MIPOL1: variants seen among roughly 807,000 people sequenced by gnomAD.
MIPOL1 encodes mirror-image polydactyly gene 1 protein.
A neutral mutation model predicts 60.9 loss-of-function variants in MIPOL1; 57 were observed. That is an observed-to-expected ratio of 0.94 (90% CI 0.76 to 1.17). The LOEUF (loss-of-function observed/expected upper bound fraction) is 1.17, where lower values mean the gene tolerates loss of function less well. Among genes scored for constraint, MIPOL1 ranks in the 50% most tolerant of loss-of-function variants. The pLI is 0.00. For missense variants in MIPOL1, 551 were observed against 511.6 expected, an observed-to-expected ratio of 1.08 and a Z score of -0.74; for synonymous variants, 179 against 168.8, an observed-to-expected ratio of 1.06 and a Z score of -0.47.
intron 6 of MIPOL1, among the ~76,000 whole-genome samples, chr14:37,280,851 G>A (rs1176274159): frequency 6.6e-6 from 1 of 151,966 alleles, no homozygotes; most frequent in Non-Finnish European, 1.5e-5. Flanking sequence ...TAGAGACAGG[G>A]TTTCATCATG....
intron 10 of MIPOL1, among the ~76,000 whole-genome samples, chr14:37,370,731 A>C (rs1180887703): frequency 6.6e-6 from 1 of 152,162 alleles, no homozygotes; most frequent in Non-Finnish European, 1.5e-5. Context: ...TGTCTAATGC[A>C]CTTTTCTTCT....
rs1224888925 is a variant in MIPOL1 at position 37,385,193 on chromosome 14, T to A, written c.936+15569T>A. On this transcript the variant is annotated intron_variant, in intron 10 of 12. Coordinates refer to ENST00000684589, the MANE Select transcript of MIPOL1 (RefSeq NM_001388067.1). Reference sequence around the variant, plus strand: ...AATATGGTGGAAGAGGGAGGGTGTGTAAGGTTGGGGTGGTGGAAATTTTTA... The same window carrying A: ...AATATGGTGGAAGAGGGAGGGTGTGAAAGGTTGGGGTGGTGGAAATTTTTA... Among the ~76,000 whole-genome samples the A allele has an allele frequency of 2.0e-5, 3 of 152,042 alleles. No homozygotes were observed. In the East Asian group the frequency reaches 5.8e-4, roughly 29 times the overall value.
At chr14:37,296,683 A>G (rs190751512) in intron 7 of MIPOL1, among the ~76,000 whole-genome samples, 1 of 152,192 alleles carries the variant, frequency 6.6e-6, no homozygotes, top group Admixed American at 6.5e-5. Flanking sequence ...ACACCTCTAC[A>G]CAAATAAACT....
At chr14:37,278,103 C>T (rs1181956585) in intron 6 of MIPOL1, 2 of 151,262 alleles carry the variant, frequency 1.3e-5, no homozygotes, top group Non-Finnish European at 3.0e-5. Flanking sequence ...GTTGCAAAGT[C>T]CAGTTTTAAA....
chr14:37,408,047 A>T (rs1320463679), intron 10 of MIPOL1, among the ~76,000 whole-genome samples: 2 of 150,126 alleles, frequency 1.3e-5, no homozygotes, highest in African/African-American at 4.9e-5. Context: ...TTTATTTTTT[A>T]TTTTTTGTGG....
intron 11 of MIPOL1, among the ~76,000 whole-genome samples, chr14:37,463,575 G>C (rs1228607675): frequency 1.3e-5 from 2 of 152,100 alleles, no homozygotes; most frequent in Non-Finnish European, 2.9e-5. Context: ...AGTTAAACTG[G>C]ACCCCTCTCT....
chr14:37,472,894 C>T (rs2094710446), intron 11 of MIPOL1, among the ~76,000 whole-genome samples: 1 of 152,114 alleles, frequency 6.6e-6, no homozygotes, highest in African/African-American at 2.4e-5. Context: ...CACTCACTAC[C>T]TAGTAAGCCC....
intron 9 of MIPOL1, among the ~76,000 whole-genome samples, chr14:37,309,318 G>C (rs1338546512): frequency 6.6e-6 from 1 of 151,690 alleles, no homozygotes; most frequent in African/African-American, 2.4e-5. Flanking sequence ...AATACCTCCA[G>C]CTCTGAAACT....
chr14:37,409,212 C>T (rs2093641577), intron 10 of MIPOL1, among the ~76,000 whole-genome samples: 1 of 152,048 alleles, frequency 6.6e-6, no homozygotes, highest in South Asian at 2.1e-4. Context: ...CAATCAAGCA[C>T]ATCAGGAAGA....
chr14:37,503,368 G>C (rs1023770469), intron 12 of MIPOL1: 1 of 152,034 alleles, frequency 6.6e-6, no homozygotes, highest in Non-Finnish European at 1.5e-5. Flanking sequence ...CAGGAAGGTC[G>C]GGTTACCCAG....
At chr14:37,333,434 A>G (rs1179546156) in intron 9 of MIPOL1, among the ~76,000 whole-genome samples, 1 of 152,118 alleles carries the variant, frequency 6.6e-6, no homozygotes, top group Admixed American at 6.6e-5. Context: ...ACTGTACTCC[A>G]ATTAAAGACA....
rs2095555456 is a variant in MIPOL1, at chr14:37,549,103, T to A, written c.*2132T>A. On this transcript the variant is annotated 3_prime_UTR_variant, in exon 13 of 13. Coordinates refer to ENST00000684589, the MANE Select transcript of MIPOL1 (RefSeq NM_001388067.1). ...GTGTCAGATGGTCTTTATATATTTT[T>A]TCTGTATGAAGGAATAGCCTTGCCT... The A allele has an allele frequency of 1.3e-5, 2 of 151,926 alleles. No homozygotes were observed. The highest frequency in any genetic ancestry group is 1.5e-5 in the Non-Finnish European group (1 of 67,816). The allele number at this position is 151,926 out of a possible 1,614,324, so 9.4% of individuals were successfully genotyped here. A position where few individuals can be genotyped will look rare whatever the true frequency, so the allele number is the denominator to read the frequency against.
chr14:37,498,474 G>A (rs1415287915), intron 11 of MIPOL1, among the ~76,000 whole-genome samples: 3 of 151,934 alleles, frequency 2.0e-5, no homozygotes, highest in Non-Finnish European at 4.4e-5. Flanking sequence ...TTGGAACTTG[G>A]AACAGACAAG....
rs186851403 is a variant in MIPOL1, at chr14:37,266,750, C to T, written c.20-188C>T. 2.2e-3 allele frequency among the ~76,000 whole-genome samples: 335 copies of T among 152,214 alleles called. 1 individual carries two copies. The Middle Eastern group carries it at 0.031, about 14-fold the overall frequency. ...CTCTTAAGTCCCAACTCTTTTTGGC[C>T]TATTTGAGACCAAATTTACCATTAT... On this transcript the variant is annotated intron_variant, in intron 3 of 12. Coordinates refer to ENST00000684589, the MANE Select transcript of MIPOL1 (RefSeq NM_001388067.1).
chr14:37,489,619 C>T (rs183511641), intron 11 of MIPOL1, among the ~76,000 whole-genome samples: 7 of 152,240 alleles, frequency 4.6e-5, no homozygotes, highest in African/African-American at 1.4e-4. Context: ...TGGTGACCTT[C>T]GGATTGGGTC....
intron 12 of MIPOL1, chr14:37,502,748 A>C (rs983146260): frequency 1.3e-5 from 2 of 152,238 alleles, no homozygotes; most frequent in African/African-American, 4.8e-5. Flanking sequence ...CCAGCAATGG[A>C]ACAAAGCTAG....
intron 10 of MIPOL1, among the ~76,000 whole-genome samples, chr14:37,416,856 T>TA (rs2093779773): frequency 6.6e-6 from 1 of 152,188 alleles, no homozygotes; most frequent in Non-Finnish European, 1.5e-5. Flanking sequence ...TTATTTTCTT[T>TA]ACTTGTTTTG....
intron 9 of MIPOL1, among the ~76,000 whole-genome samples, chr14:37,346,420 G>A (rs1306893535): frequency 6.6e-6 from 1 of 152,090 alleles, no homozygotes; most frequent in African/African-American, 2.4e-5. Context: ...CTTTTATACT[G>A]GTAGCCATGG....
chr14:37,216,810 A>G (rs900418462), intron 1 of MIPOL1, among the ~76,000 whole-genome samples: 6 of 152,186 alleles, frequency 3.9e-5, no homozygotes, highest in African/African-American at 1.4e-4. Context: ...TTTTATAACT[A>G]TAGGTGCCTA....
Sources: gnomAD v4.1 joint callset for allele counts (sites outside exome capture counted in the v4.1 genomes callset) on GRCh38, gnomAD v4.1.1 for gene constraint, MANE v1.5 for transcripts, NCBI Gene and HGNC (gene_info 2026-07-23, HGNC 2026-07-21) for gene names.